Variants in CDKN2A observed in about 807,000 individuals in gnomAD.
CDKN2A encodes cyclin dependent kinase inhibitor 2A, also known as cyclin-dependent kinase inhibitor 2A.
In CDKN2A, 3 loss-of-function variants were observed where a neutral mutation model predicts 11.1. The observed-to-expected ratio is 0.27, with a 90% CI of 0.12 to 0.70. CDKN2A has a LOEUF of 0.70. CDKN2A is among the 30% of genes least tolerant of loss of function. The pLI, the probability that CDKN2A is intolerant of heterozygous loss-of-function variation, is 0.77. For missense variants in CDKN2A, 265 were observed against 233.6 expected (o/e 1.13, Z -0.88); for synonymous variants, 122 against 108.1 (o/e 1.13, Z -0.80).
At chr9:21,973,872 T>TA (rs1230830354) in intron 1 of CDKN2A, among the ~76,000 whole-genome samples, 2 of 152,182 alleles carry the variant, frequency 1.3e-5, no homozygotes. Context: ...TGCTTCTGAA[T>TA]AATTTTTCTC....
intron 1 of CDKN2A, 103 bp from the exon 2 acceptor site, chr9:21,971,311 C>T (rs1819737526): frequency 2.0e-6 from 3 of 1,530,254 alleles, no homozygotes; most frequent in South Asian, 2.4e-5. Context: ...CCCACACAAG[C>T]CCCAGGTGTC....
intron 1 of CDKN2A, among the ~76,000 whole-genome samples, chr9:21,972,309 G>C (rs181593356): frequency 6.6e-6 from 1 of 152,254 alleles, no homozygotes; most frequent in East Asian, 1.9e-4. Context: ...TGTGGCAAAA[G>C]AGGCTTTGCA....
chr9:21,989,081 C>G (rs1820364762), intron 2 of CDKN2A, among the ~76,000 whole-genome samples: 1 of 151,970 alleles, frequency 6.6e-6, no homozygotes, highest in South Asian at 2.1e-4. Flanking sequence ...AAGAGATTCA[C>G]ATTCAACAAA....
Position 21,991,927 on chromosome 9 carries a change from G to A in CDKN2A, c.-4+1955C>T. 3.0e-6 allele frequency: 3 copies of A among 984,714 alleles called. No individual in the cohort carries two copies. Among genetic ancestry groups the A allele is most frequent in the Non-Finnish European group, 3.6e-6 (3 of 829,324 alleles). 61.0% of individuals were successfully genotyped at this position (984,714 alleles called of 1,614,324 possible). On this transcript the variant is annotated intron_variant, in intron 2 of 3. Coordinates refer to the CDKN2A transcript ENST00000494262. The surrounding 1 kb of genome is among the most constrained non-coding windows in gnomAD (Gnocchi z 5.2). ...GTGCTATTAAAGAAAAAAATAACCT[G>A]AGCCTTCTGAAGTAGCTATAAACAA... is the stretch of plus-strand genomic sequence containing the variant.
chr9:21,976,811 G>C (rs1283776290), upstream of CDKN2A, among the ~76,000 whole-genome samples: 1 of 152,172 alleles, frequency 6.6e-6, no homozygotes, highest in African/African-American at 2.4e-5. Context: ...CACTTACAAA[G>C]AAAAGTTAAA....
In CDKN2A at chr9:21,970,923, C is replaced by G. The variant is rs1563888589; in HGVS notation, c.436G>C (p.Asp146His). 1 of 1,612,492 alleles carries G rather than the reference C, an allele frequency of 6.2e-7. No homozygotes were observed. Among genetic ancestry groups the G allele is most frequent in the Non-Finnish European group, 8.5e-7 (1 of 1,180,036 alleles). ...TCACCTGAGGGACCTTCCGCGGCAT[C>G]TATGCGGGCATGGTTACTGCCTCTG... ...GTRGSNHARI[D>H]AAEGPSDIPD Residue 146 changes from aspartate to histidine, a missense_variant, in exon 2 of 3, where the codon GAT becomes CAT. Asp to His is a moderately conservative substitution (Grantham distance 81, BLOSUM62 -1). Transcript: ENST00000304494.
chr9:21,978,539 TTAC>T (rs1305577773), upstream of CDKN2A, among the ~76,000 whole-genome samples: 4 of 152,202 alleles, frequency 2.6e-5, no homozygotes, highest in Non-Finnish European at 4.4e-5. Context: ...ATGTAAAAAT[TTAC>T]TACATTTACT....
At chr9:21,969,883 A>T (rs939205467) in intron 2 of CDKN2A, 1 of 397,506 alleles carries the variant, frequency 2.5e-6, no homozygotes, top group Non-Finnish European at 4.4e-6. Flanking sequence ...TGCGTTCTGT[A>T]TTTACAGCAT....
rs548865567 is a variant in CDKN2A, at chr9:21,968,858, G to C, written c.458-616C>G. The C allele has an allele frequency of 1.6e-5, 22 of 1,343,902 alleles. No homozygotes were observed. The Admixed American group carries it at 2.2e-4, about 13-fold the overall frequency. The allele number at this position is 1,343,902 out of a possible 1,614,324, so 83.2% of individuals were successfully genotyped here. A position where few individuals can be genotyped will look rare whatever the true frequency, so the allele number is the denominator to read the frequency against. ...CGTTGCGTATGGGCTCCAGCTCGCC[G>C]TTCGGTTCTCCCGAGGCAGCATTTA... On this transcript the variant is annotated intron_variant, in intron 2 of 2. Coordinates refer to ENST00000304494, the MANE Select transcript of CDKN2A (RefSeq NM_000077.5). This position sits in a 1 kb window ranked among gnomAD's most constrained non-coding sequence, Gnocchi z 4.7.
intron 2 of CDKN2A, among the ~76,000 whole-genome samples, chr9:21,982,703 A>G (rs1280369362): frequency 6.6e-6 from 1 of 152,132 alleles, no homozygotes; most frequent in African/African-American, 2.4e-5. Flanking sequence ...ATAGGCAGAA[A>G]GAAATAGAGA....
At position 21,985,577 on chromosome 9, in the gene CDKN2A, C is replaced by A. The variant is rs3731216; in HGVS notation, c.-4+8305G>T. On this transcript the variant is annotated intron_variant, in intron 2 of 3. Transcript: ENST00000494262. ...AAAAATCCAGTTATCTTCAGTGATT[C>A]CTTTGGAAATTATTATTCTGGGTTA... 8.2e-3 allele frequency among the ~76,000 whole-genome samples: 1,247 copies of A among 151,990 alleles called. 15 individuals carry two copies. Among genetic ancestry groups the A allele is most frequent in the African/African-American group, 0.028 (1,182 of 41,530 alleles).
intron 1 of CDKN2A, among the ~76,000 whole-genome samples, chr9:21,973,920 ACT>A (rs376741630): frequency 2.6e-5 from 4 of 151,762 alleles, no homozygotes; most frequent in African/African-American, 9.7e-5. Context: ...ACAAAGTCTC[ACT>A]CTGTCACCCA....
rs1167735598 is a variant in CDKN2A, at chr9:21,974,636, T to C, written c.150+42A>G. ...CCCCTGCAAACTTCGTCCTCCAGAG[T>C]CGCCCGCCATCCCCTGCTCCCGCTG... On this transcript the variant is annotated intron_variant, in intron 1 of 2. Coordinates refer to ENST00000304494, the MANE Select transcript of CDKN2A (RefSeq NM_000077.5). This position sits in a 1 kb window ranked among gnomAD's most constrained non-coding sequence, Gnocchi z 5.2. 1 of 1,613,936 alleles carries C rather than the reference T, an allele frequency of 6.2e-7. No homozygotes were observed. Among genetic ancestry groups the C allele is most frequent in the East Asian group, 2.2e-5 (1 of 44,856 alleles).
At chr9:21,973,488 G>C (rs1277409289) in intron 1 of CDKN2A, among the ~76,000 whole-genome samples, 1 of 152,016 alleles carries the variant, frequency 6.6e-6, no homozygotes, top group Non-Finnish European at 1.5e-5. Context: ...AACAAATAAG[G>C]TCTCTTCTAA....
intron 1 of CDKN2A, chr9:21,994,101 G>C: frequency 6.3e-7 from 1 of 1,586,138 alleles, no homozygotes; most frequent in Non-Finnish European, 8.5e-7. Flanking sequence ...CAAAACAAGT[G>C]CCGAATGCGC....
Position 21,991,013 on chromosome 9 carries a change from G to T in CDKN2A, c.-4+2869C>A, listed in dbSNP as rs1820417346. On this transcript the variant is annotated intron_variant, in intron 2 of 3. Coordinates refer to the CDKN2A transcript ENST00000494262. This position sits in a 1 kb window ranked among gnomAD's most constrained non-coding sequence, Gnocchi z 5.2. The stretch of plus-strand genomic sequence containing the variant: ...AAGATATTAGTAGTTAGGTATATGA[G>T]AATCAGAATTCAGATAATTTGTCTT... Among the ~76,000 whole-genome samples, 1 of 152,148 alleles carries T rather than the reference G, an allele frequency of 6.6e-6. No individual in the cohort carries two copies.
Position 21,971,249 on chromosome 9 carries a change from C to T in CDKN2A, c.151-41G>A, listed in dbSNP as rs747482311. 7.6e-6 allele frequency: 12 copies of T among 1,578,824 alleles called. No homozygotes were observed. The South Asian group carries it at 1.1e-4, about 15-fold the overall frequency. On this transcript the variant is annotated intron_variant, in intron 1 of 2. Transcript: ENST00000304494. ...GAATGGTCAGAGCCAGGGTGGGGGCCGGCATGACGGAAAGGAAGCTTGTGT... is the reference window on the plus strand; with the variant it reads ...GAATGGTCAGAGCCAGGGTGGGGGCTGGCATGACGGAAAGGAAGCTTGTGT...
chr9:21,973,276 C>T (rs554667343), intron 1 of CDKN2A, among the ~76,000 whole-genome samples: 40 of 151,694 alleles, frequency 2.6e-4, no homozygotes, highest in Non-Finnish European at 5.0e-4. Context: ...ATGCTTAAAC[C>T]CATTTGATAA....
intron 2 of CDKN2A, chr9:21,969,594 A>G: frequency 2.5e-6 from 1 of 396,480 alleles, no homozygotes; most frequent in East Asian, 3.6e-5. Flanking sequence ...GGTTTGGTTA[A>G]GAGTCGTTCA....
Sources: allele counts gnomAD v4.1 joint callset (sites outside exome capture counted in the v4.1 genomes callset), GRCh38; gene constraint gnomAD v4.1.1; non-coding constraint Gnocchi (gnomAD v3.1); transcripts MANE v1.5; gene names NCBI Gene and HGNC (gene_info 2026-07-23, HGNC 2026-07-21).